NEK11: variants seen among roughly 807,000 people sequenced by gnomAD.
NEK11 encodes the protein NIMA related kinase 11, also known as serine/threonine-protein kinase Nek11.
A neutral mutation model predicts 80.7 loss-of-function variants in NEK11; 72 were observed. The observed-to-expected ratio is 0.89, with a 90% CI of 0.74 to 1.08. The LOEUF (loss-of-function observed/expected upper bound fraction) is 1.08, where lower values mean the gene tolerates loss of function less well. Among genes scored for constraint, NEK11 ranks in the 50% least tolerant of loss-of-function variants. The pLI is 0.00. For synonymous variants in NEK11, 251 were observed against 260.7 expected (o/e 0.96, Z 0.36); for missense variants, 764 against 763.6 (o/e 1.00, Z -0.01).
intron 17 of NEK11, among the ~76,000 whole-genome samples, chr3:131,284,603 A>G (rs1398370995): frequency 6.6e-6 from 1 of 152,162 alleles, no homozygotes. Context: ...CATTTGAGTC[A>G]GTGGACTGGG....
At chr3:131,055,440 A>G (rs898776991) in intron 3 of NEK11, among the ~76,000 whole-genome samples, 1 of 152,202 alleles carries the variant, frequency 6.6e-6, no homozygotes, top group Non-Finnish European at 1.5e-5. Flanking sequence ...TAAAGGCTAT[A>G]GATAAAAATA....
chr3:131,055,059 T>C (rs6776866), intron 3 of NEK11, among the ~76,000 whole-genome samples: 28,036 of 152,152 alleles, frequency 0.18, 2,676 homozygotes, highest in Non-Finnish European at 0.21. Flanking sequence ...GACCATGGCA[T>C]CCCTGGGGCA....
intron 4 of NEK11, among the ~76,000 whole-genome samples, chr3:131,098,843 T>G (rs59239046): frequency 0.032 from 4,821 of 152,154 alleles, 219 homozygotes; most frequent in African/African-American, 0.096. Flanking sequence ...TTTTCTTCCT[T>G]GTTGATTTAA....
chr3:131,071,393 T>C (rs2073270627), intron 3 of NEK11, among the ~76,000 whole-genome samples: 1 of 152,072 alleles, frequency 6.6e-6, no homozygotes, highest in South Asian at 2.1e-4. Flanking sequence ...CTTTTTTTCT[T>C]GGTCTTTTTC....
At chr3:131,101,455 T>G (rs1430209394) in intron 4 of NEK11, among the ~76,000 whole-genome samples, 2 of 152,188 alleles carry the variant, frequency 1.3e-5, no homozygotes, top group Non-Finnish European at 2.9e-5. Context: ...TTCAAAGAAT[T>G]GTTTGATTTC....
chr3:131,241,836 A>G (rs2095524095), intron 15 of NEK11, among the ~76,000 whole-genome samples: 1 of 152,120 alleles, frequency 6.6e-6, no homozygotes, highest in Non-Finnish European at 1.5e-5. Context: ...GAAAAGACTG[A>G]CTATATATGT....
chr3:131,349,458 G>A (rs969093470), intron 17 of NEK11, 99 bp from the exon 18 acceptor site: 49 of 1,021,710 alleles, frequency 4.8e-5, no homozygotes, highest in Admixed American at 1.5e-4. Context: ...CTAAATCCCA[G>A]AATGACAATG....
At chr3:131,266,777 C>T (rs2096067044) in intron 16 of NEK11, among the ~76,000 whole-genome samples, 1 of 151,862 alleles carries the variant, frequency 6.6e-6, no homozygotes, top group African/African-American at 2.4e-5. Context: ...TTTTCTGTCT[C>T]ATTGATCTGT....
rs79674301 is a variant in NEK11, at chr3:131,222,787, A to G, written c.1400-5741A>G. ...TGCAGATTCTCAGGTACCACACCAG[A>G]CCTGCTGAATCAGCAAGTCTTGGGG... is the stretch of plus-strand genomic sequence containing the variant. On this transcript the variant is annotated intron_variant, in intron 14 of 17. Transcript: ENST00000383366. Among the ~76,000 whole-genome samples, 425 of 152,326 alleles carry G rather than the reference A, an allele frequency of 2.8e-3. 3 individuals carry two copies. The highest frequency in any genetic ancestry group is 8.9e-3 in the African/African-American group (368 of 41,574).
chr3:131,273,667 AT>A (rs1473265613), intron 17 of NEK11, 93 bp downstream of exon 17: 28 of 910,880 alleles, frequency 3.1e-5, no homozygotes, highest in Non-Finnish European at 4.7e-5. Context: ...GTCTTAGTCC[AT>A]TTGTGCTGCC....
In NEK11 at chr3:131,175,107, G is replaced by A. The variant is rs1010226190; in HGVS notation, c.1399+4220G>A. ...CCTCTTCTTTTTAAATGTCCAAGTG[G>A]AAATAAAGTGATTTGAACTTTGCTA... On this transcript the variant is annotated intron_variant, in intron 14 of 17. Coordinates refer to ENST00000383366, the MANE Select transcript of NEK11 (RefSeq NM_024800.5). The A allele has an allele frequency of 1.3e-5, 14 of 1,069,714 alleles. No homozygotes were observed. The Admixed American group carries it at 3.1e-4, about 24-fold the overall frequency. 66.3% of individuals were successfully genotyped at this position (1,069,714 alleles called of 1,614,324 possible).
At chr3:131,323,242 C>T (rs1413204144) in intron 17 of NEK11, among the ~76,000 whole-genome samples, 1 of 152,220 alleles carries the variant, frequency 6.6e-6, no homozygotes, top group Non-Finnish European at 1.5e-5. Flanking sequence ...CATTTCTAGG[C>T]AAAAAGCTTT....
chr3:131,037,412 T>C (rs1390332913), intron 3 of NEK11, among the ~76,000 whole-genome samples: 1 of 151,986 alleles, frequency 6.6e-6, no homozygotes, highest in East Asian at 1.9e-4. Context: ...GCCTCCTGCA[T>C]AGCTGGGATT....
Position 131,165,514 on chromosome 3 carries a change from C to T in NEK11, c.1171C>T (p.Leu391Phe), listed in dbSNP as rs757926120. 5.4e-5 allele frequency: 87 copies of T among 1,598,988 alleles called. No homozygotes were observed. Among genetic ancestry groups the T allele is most frequent in the Non-Finnish European group, 7.2e-5 (84 of 1,167,402 alleles). ...RNFQQLSVDV[L>F]HEKTHLKGME... ...CTTTCAGCAGCTGAGTGTTGATGTA[C>T]TCCATGTAAGTACCCTCTTATTTTA... The change falls in exon 12 of 18, where the codon CTC (leucine) becomes TTC (phenylalanine). Residue 391 changes from leucine to phenylalanine, a missense_variant. Physicochemically the swap from Leu to Phe is conservative, Grantham distance 22. Transcript: ENST00000383366.
rs187240321 is a variant in NEK11 at position 131,083,891 on chromosome 3, A to G, written c.336+3303A>G. On this transcript the variant is annotated intron_variant, in intron 4 of 17. Coordinates refer to ENST00000383366, the MANE Select transcript of NEK11 (RefSeq NM_024800.5). Reference sequence around the variant, plus strand: ...AATATTTCAAATATTGGTGTCTTCTATTTTCCTCCATGTAGGAAGGAAATG... The same window carrying G: ...AATATTTCAAATATTGGTGTCTTCTGTTTTCCTCCATGTAGGAAGGAAATG... 5.2e-4 allele frequency among the ~76,000 whole-genome samples: 79 copies of G among 152,274 alleles called. 1 individual carries two copies. The highest frequency in any genetic ancestry group is 6.5e-5 in the Admixed American group (1 of 15,300).
In NEK11 at chr3:131,133,883, T is replaced by G; in HGVS notation, c.574T>G (p.Leu192Val). ...LMGSCDLATT[L>V]TGTPHYMSPE... The stretch of plus-strand genomic sequence containing the variant: ...GGGATCCTGTGACCTGGCCACAACT[T>G]TAACTGGAACTCCCCATTATATGAG... The change falls in exon 7 of 18, where the codon TTA (leucine) becomes GTA (valine). Residue 192 changes from leucine (L) to valine (V), a missense_variant. Leu to Val is a conservative substitution (Grantham distance 32). Transcript: ENST00000383366. The G allele has an allele frequency of 6.2e-7, 1 of 1,612,650 alleles. No individual in the cohort carries two copies. Among genetic ancestry groups the G allele is most frequent in the Non-Finnish European group, 8.5e-7 (1 of 1,179,028 alleles).
chr3:131,235,777 A>G (rs1396014373), intron 15 of NEK11, among the ~76,000 whole-genome samples: 1 of 152,202 alleles, frequency 6.6e-6, no homozygotes, highest in Non-Finnish European at 1.5e-5. Flanking sequence ...AGACAGATTA[A>G]CTAATTTGAC....
intron 17 of NEK11, among the ~76,000 whole-genome samples, chr3:131,300,929 T>G (rs2096654494): frequency 6.6e-6 from 1 of 152,216 alleles, no homozygotes; most frequent in Non-Finnish European, 1.5e-5. Flanking sequence ...TCATTATTAG[T>G]TTGATAGGAA....
chr3:131,316,014 C>T (rs1056387869), intron 17 of NEK11, among the ~76,000 whole-genome samples: 2 of 151,848 alleles, frequency 1.3e-5, no homozygotes, highest in Admixed American at 6.6e-5. Flanking sequence ...ATTTTTATGG[C>T]TTTCTATATA....
Sources: allele counts gnomAD v4.1 joint callset (sites outside exome capture counted in the v4.1 genomes callset), GRCh38; gene constraint gnomAD v4.1.1; transcripts MANE v1.5; gene names NCBI Gene and HGNC (gene_info 2026-07-23, HGNC 2026-07-21).